The following ETV1 variants were observed in gnomAD, a reference collection of about 807,000 sequenced individuals.
ETV1 encodes ETS variant transcription factor 1, also known as ETS translocation variant 1.
Under a neutral mutation model 62.3 loss-of-function variants are expected in ETV1, and 27 were observed. The observed-to-expected ratio is 0.43, with a 90% CI of 0.32 to 0.60. The LOEUF is 0.60. Among genes scored for constraint, ETV1 ranks in the 20% least tolerant of loss-of-function variants. The pLI, the probability that ETV1 is intolerant of heterozygous loss-of-function variation, is 0.06. For missense variants in ETV1, 605 were observed against 605.8 expected, an observed-to-expected ratio of 1.00 and a Z score of 0.01; for synonymous variants, 222 against 199.6, an observed-to-expected ratio of 1.11 and a Z score of -0.94.
At chr7:13,911,181 G>T in intron 10 of ETV1, 58 bp downstream of exon 10, 1 of 1,123,744 alleles carries the variant, frequency 8.9e-7, no homozygotes, top group South Asian at 1.3e-5. Flanking sequence ...CGTCATATTT[G>T]GGATGTCTGA....
intron 9 of ETV1, among the ~76,000 whole-genome samples, chr7:13,919,785 C>A (rs1784618901): frequency 6.6e-6 from 1 of 151,678 alleles, no homozygotes; most frequent in Admixed American, 6.6e-5. Flanking sequence ...ATATTCGAAA[C>A]CTAAAAACAG....
intron 6 of ETV1, among the ~76,000 whole-genome samples, chr7:13,964,701 A>T (rs1399262431): frequency 6.6e-6 from 1 of 152,048 alleles, no homozygotes; most frequent in Non-Finnish European, 1.5e-5. Flanking sequence ...TGGGTGAGAA[A>T]AGTATTTCTT....
Position 13,906,477 on chromosome 7 carries a change from C to T in ETV1, c.1063G>A (p.Ala355Thr), listed in dbSNP as rs567326719. Reference sequence around the variant, plus strand: ...AATTCCATGCCTCGACCAGTCCAGGCAATAAAATGAGAATTTGAAGGGTCA... The same window carrying T: ...AATTCCATGCCTCGACCAGTCCAGGTAATAAAATGAGAATTTGAAGGGTCA... ...LDDPSNSHFIAWTGRGMEFKL... is the reference protein window; with the variant it reads ...LDDPSNSHFITWTGRGMEFKL... The change falls in exon 12 of 14, where the codon GCC becomes ACC. Residue 355 changes from alanine (A) to threonine (T), a missense_variant. Ala to Thr is a moderately conservative substitution (Grantham distance 58). Coordinates refer to ENST00000430479, the MANE Select transcript of ETV1 (RefSeq NM_004956.5). The T allele has an allele frequency of 1.9e-6, 3 of 1,610,060 alleles. No individual in the cohort carries two copies. The South Asian group carries it at 3.3e-5, about 18-fold the overall frequency.
intron 9 of ETV1, among the ~76,000 whole-genome samples, chr7:13,926,239 A>G (rs1785413775): frequency 6.6e-6 from 1 of 152,178 alleles, no homozygotes; most frequent in Non-Finnish European, 1.5e-5. Flanking sequence ...CTGAGAGTGA[A>G]ATTACCATGT....
intron 7 of ETV1, 84 bp downstream of exon 7, chr7:13,939,033 A>G: frequency 7.3e-7 from 1 of 1,370,886 alleles, no homozygotes; most frequent in Non-Finnish European, 1.0e-6. Flanking sequence ...TACTCATAAA[A>G]TATGACTTGA....
chr7:13,948,506 T>G lies in ETV1; in HGVS notation c.236-9260A>C, dbSNP rs139454069. On this transcript the variant is annotated intron_variant, in intron 6 of 13. Transcript: ENST00000430479. Reference sequence around the variant, plus strand: ...TCATGTTTTAGAATAGTCTTCTGTATGCTGTTCTAGAACAGAGGCTGGCAA... The same window carrying G: ...TCATGTTTTAGAATAGTCTTCTGTAGGCTGTTCTAGAACAGAGGCTGGCAA... Among the ~76,000 whole-genome samples, 133 of 152,328 alleles carry G rather than the reference T, an allele frequency of 8.7e-4. 1 individual carries two copies. Among genetic ancestry groups the G allele is most frequent in the Middle Eastern group, 3.4e-3 (1 of 294 alleles).
chr7:13,949,250 C>T (rs768906903), intron 6 of ETV1, among the ~76,000 whole-genome samples: 1 of 151,964 alleles, frequency 6.6e-6, no homozygotes, highest in Non-Finnish European at 1.5e-5. Context: ...ACAAGCATGG[C>T]ATGAAAAATG....
intron 5 of ETV1, among the ~76,000 whole-genome samples, chr7:13,982,287 T>C (rs1782067723): frequency 6.6e-6 from 1 of 152,022 alleles, no homozygotes; most frequent in Admixed American, 6.6e-5. Flanking sequence ...TATAACATTA[T>C]ACACAAATCA....
At chr7:13,948,737 T>C (rs1030591761) in intron 6 of ETV1, among the ~76,000 whole-genome samples, 2 of 152,186 alleles carry the variant, frequency 1.3e-5, no homozygotes, top group African/African-American at 4.8e-5. Flanking sequence ...AGTTTGCTGA[T>C]TCCTGTTCCA....
chr7:13,939,351 T>A, intron 6 of ETV1, 105 bp from the exon 7 acceptor site: 1 of 917,382 alleles, frequency 1.1e-6, no homozygotes, highest in Non-Finnish European at 1.6e-6. Context: ...CATTTCATAT[T>A]AACTTACATA....
intron 6 of ETV1, among the ~76,000 whole-genome samples, chr7:13,971,438 C>A (rs1237005741): frequency 5.3e-5 from 8 of 152,194 alleles, no homozygotes; most frequent in Admixed American, 5.2e-4. Context: ...TATTGTATTA[C>A]AGATATCTGA....
intron 9 of ETV1, among the ~76,000 whole-genome samples, chr7:13,912,098 A>T (rs1252752932): frequency 6.6e-6 from 1 of 152,198 alleles, no homozygotes; most frequent in East Asian, 1.9e-4. Flanking sequence ...CCTGCCACAA[A>T]ATACTTTTAT....
At chr7:13,985,216 C>T (rs1184745715) in intron 5 of ETV1, 3 of 152,034 alleles carry the variant, frequency 2.0e-5, no homozygotes, top group African/African-American at 7.2e-5. Flanking sequence ...ACAAGAATCT[C>T]CATGCAAATT....
Position 13,893,051 on chromosome 7 carries a change from T to G in ETV1, c.*2815A>C, listed in dbSNP as rs1181933586. 4.4e-4 allele frequency: 103 copies of G among 232,886 alleles called. No individual in the cohort carries two copies. Among genetic ancestry groups the G allele is most frequent in the Non-Finnish European group, 9.3e-5 (11 of 117,820 alleles). 14.4% of individuals were successfully genotyped at this position (232,886 alleles called of 1,614,324 possible). A position where few individuals can be genotyped will look rare whatever the true frequency, so the allele number is the denominator to read the frequency against. ...CACTGTCAGTCTTGTGGATTTTTATTCTGAAGCACTTTTCATGGACATAAC... is the reference window on the plus strand; with the variant it reads ...CACTGTCAGTCTTGTGGATTTTTATGCTGAAGCACTTTTCATGGACATAAC... On this transcript the variant is annotated 3_prime_UTR_variant, in exon 14 of 14. Transcript: ENST00000430479.
chr7:13,959,413 T>C (rs1239485108), intron 6 of ETV1, among the ~76,000 whole-genome samples: 1 of 152,162 alleles, frequency 6.6e-6, no homozygotes, highest in Admixed American at 6.5e-5. Context: ...CTTCCATACT[T>C]CACAGTATGC....
In ETV1 at chr7:13,932,961, G is replaced by A. The variant is rs1050827061; in HGVS notation, c.555-1212C>T. The stretch of plus-strand genomic sequence containing the variant: ...CTAGGCTCACTGGTGGTCATGGAAA[G>A]CACTGAAATTCCACCTACACCTGCA... On this transcript the variant is annotated intron_variant, in intron 8 of 13. Transcript: ENST00000430479. Among the ~76,000 whole-genome samples the A allele has an allele frequency of 2.6e-5, 4 of 152,176 alleles. No individual in the cohort carries two copies. The East Asian group carries it at 7.7e-4, about 29-fold the overall frequency.
At chr7:13,974,433 T>C (rs937339797) in intron 6 of ETV1, among the ~76,000 whole-genome samples, 12 of 152,216 alleles carry the variant, frequency 7.9e-5, no homozygotes, top group African/African-American at 2.9e-4. Context: ...GACTCTGTCC[T>C]GCAGACAGTT....
intron 4 of ETV1, among the ~76,000 whole-genome samples, chr7:13,987,802 A>G (rs149415081): frequency 3.9e-5 from 6 of 152,344 alleles, no homozygotes; most frequent in Non-Finnish European, 7.3e-5. Flanking sequence ...GGGGTGAGTT[A>G]TATGCCCCAT....
intron 9 of ETV1, among the ~76,000 whole-genome samples, chr7:13,912,468 T>A (rs1367194452): frequency 6.6e-6 from 1 of 152,156 alleles, no homozygotes; most frequent in Non-Finnish European, 1.5e-5. Flanking sequence ...TCTTAATAAA[T>A]TCTAATCTAT....
Sources: gnomAD v4.1 joint callset for allele counts (sites outside exome capture counted in the v4.1 genomes callset) on GRCh38, gnomAD v4.1.1 for gene constraint, MANE v1.5 for transcripts, NCBI Gene and HGNC (gene_info 2026-07-23, HGNC 2026-07-21) for gene names.